Variants in PTH2R observed in about 807,000 individuals in gnomAD.
PTH2R encodes the protein parathyroid hormone 2 receptor.
PTH2R carries 59 observed loss-of-function variants against 60.3 expected under a neutral mutation model. The ratio of observed to expected loss-of-function variants is 0.98; its 90% CI spans 0.79 to 1.22. The LOEUF (loss-of-function observed/expected upper bound fraction) is 1.22, where lower values mean the gene tolerates loss of function less well. Among genes scored for constraint, PTH2R ranks in the 50% most tolerant of loss-of-function variants. PTH2R has a pLI of 0.00. For synonymous variants in PTH2R, 256 were observed against 243.8 expected (o/e 1.05, Z -0.47); for missense variants, 749 against 682.6 (o/e 1.10, Z -1.08).
intron 1 of PTH2R, among the ~76,000 whole-genome samples, chr2:208,386,404 G>A (rs1701002706): frequency 6.6e-6 from 1 of 152,186 alleles, no homozygotes; most frequent in African/African-American, 2.4e-5. Context: ...ACTGTATCTT[G>A]ACTGTATCTG....
chr2:208,463,041 G>C (rs1196335297), intron 9 of PTH2R, among the ~76,000 whole-genome samples: 1 of 152,182 alleles, frequency 6.6e-6, no homozygotes, highest in African/African-American at 2.4e-5. Flanking sequence ...CTGCTGGGTG[G>C]GGGTTTAAGC....
intron 8 of PTH2R, among the ~76,000 whole-genome samples, chr2:208,458,128 T>C (rs914456454): frequency 6.6e-6 from 1 of 152,198 alleles, no homozygotes; most frequent in Admixed American, 6.5e-5. Context: ...TGTAAGATCT[T>C]TACTAGTACA....
intron 9 of PTH2R, among the ~76,000 whole-genome samples, chr2:208,464,521 T>A (rs1348359988): frequency 6.6e-6 from 1 of 152,154 alleles, no homozygotes; most frequent in East Asian, 1.9e-4. Flanking sequence ...ATGGACACAG[T>A]ATGAAGGACC....
chr2:208,487,020 A>T (rs1703288667), intron 10 of PTH2R, among the ~76,000 whole-genome samples: 1 of 152,192 alleles, frequency 6.6e-6, no homozygotes, highest in African/African-American at 2.4e-5. Context: ...CAGGCAGAGG[A>T]CAATGAGGTG....
At chr2:208,452,407 C>G (rs1241056105) in intron 8 of PTH2R, among the ~76,000 whole-genome samples, 1 of 152,172 alleles carries the variant, frequency 6.6e-6, no homozygotes, top group Non-Finnish European at 1.5e-5. Context: ...CAAGTAATGT[C>G]TAAAGAATTA....
chr2:208,413,099 A>T (rs1435581967), intron 1 of PTH2R, among the ~76,000 whole-genome samples: 1 of 151,720 alleles, frequency 6.6e-6, no homozygotes, highest in Admixed American at 6.6e-5. Context: ...TAAAATATAA[A>T]CACAGATGTA....
At chr2:208,409,204 G>A (rs1701489890) in intron 1 of PTH2R, among the ~76,000 whole-genome samples, 1 of 152,110 alleles carries the variant, frequency 6.6e-6, no homozygotes, top group African/African-American at 2.4e-5. Context: ...AAAGTCTGGA[G>A]GTTAAATTCA....
intron 9 of PTH2R, among the ~76,000 whole-genome samples, chr2:208,465,112 A>C (rs1037389585): frequency 1.3e-5 from 2 of 152,012 alleles, no homozygotes; most frequent in Non-Finnish European, 2.9e-5. Context: ...AGTAACTAGG[A>C]CTATAGGCAT....
chr2:208,405,178 T>TA (rs1376890009), upstream of PTH2R, among the ~76,000 whole-genome samples: 1 of 152,212 alleles, frequency 6.6e-6, no homozygotes, highest in East Asian at 1.9e-4. Context: ...GAGAAATTGT[T>TA]ACATTACCTA....
chr2:208,377,037 G>A (rs561666568), intron 1 of PTH2R, among the ~76,000 whole-genome samples: 2 of 152,094 alleles, frequency 1.3e-5, no homozygotes, highest in South Asian at 4.2e-4. Context: ...CAGTATTTGT[G>A]TCCCTGGGTA....
At chr2:208,435,748 A>G (rs1230482922) in intron 2 of PTH2R, among the ~76,000 whole-genome samples, 1 of 152,212 alleles carries the variant, frequency 6.6e-6, no homozygotes, top group Non-Finnish European at 1.5e-5. Context: ...AGCCCTGCCC[A>G]GCCCTTGATT....
chr2:208,478,387 GCTTCTA>G lies in PTH2R; in HGVS notation c.982-2682_982-2677del, dbSNP rs768232481. 2.7e-3 allele frequency among the ~76,000 whole-genome samples: 410 copies of G among 152,138 alleles called. 2 individuals carry two copies. The highest frequency in any genetic ancestry group is 4.9e-3 in the Non-Finnish European group (335 of 68,010). ...CTGGGGGGAGTCCTTATCCTTTTCA[GCTTCTA>G]GAGGCCACTGGCATTGCATGACTCT... On this transcript the variant is annotated intron_variant, in intron 9 of 12. Transcript: ENST00000272847.
At chr2:208,385,717 A>G (rs570894459) in intron 1 of PTH2R, among the ~76,000 whole-genome samples, 1 of 152,362 alleles carries the variant, frequency 6.6e-6, no homozygotes, top group South Asian at 2.1e-4. Flanking sequence ...TGGATTTGAA[A>G]TTCAATCTGG....
chr2:208,388,140 C>CCCG (rs1553541033), intron 1 of PTH2R, among the ~76,000 whole-genome samples: 6 of 149,684 alleles, frequency 4.0e-5, no homozygotes, highest in Middle Eastern at 3.5e-3. Flanking sequence ...AAACCCCCCC[C>CCCG]CCCGTCTCTA....
chr2:208,451,394 G>A (rs777164937), intron 8 of PTH2R, among the ~76,000 whole-genome samples: 7 of 152,128 alleles, frequency 4.6e-5, no homozygotes, highest in Admixed American at 2.0e-4. Context: ...TGGCCCTTGG[G>A]AAAAGGACAT....
At chr2:208,452,676 A>G (rs1702429807) in intron 8 of PTH2R, among the ~76,000 whole-genome samples, 1 of 152,226 alleles carries the variant, frequency 6.6e-6, no homozygotes, top group Non-Finnish European at 1.5e-5. Context: ...TAATTACCAG[A>G]ACATTGGGTA....
chr2:208,431,711 T>C, intron 2 of PTH2R, among the ~76,000 whole-genome samples: 1 of 152,190 alleles, frequency 6.6e-6, no homozygotes, highest in Admixed American at 6.5e-5. Flanking sequence ...TATCATCTTT[T>C]GGGGATACTG....
intron 9 of PTH2R, among the ~76,000 whole-genome samples, chr2:208,473,111 C>A (rs755581177): frequency 6.6e-6 from 1 of 152,160 alleles, no homozygotes; most frequent in Non-Finnish European, 1.5e-5. Flanking sequence ...AATATTGGTC[C>A]ATTTCCAACC....
chr2:208,448,778 A>T (rs1005389209), intron 7 of PTH2R, among the ~76,000 whole-genome samples: 3 of 151,646 alleles, frequency 2.0e-5, no homozygotes, highest in Non-Finnish European at 4.4e-5. Context: ...CTGTGTTCTA[A>T]ATTATGTAAC....
Sources: allele counts gnomAD v4.1 joint callset (sites outside exome capture counted in the v4.1 genomes callset), GRCh38; gene constraint gnomAD v4.1.1; transcripts MANE v1.5; gene names NCBI Gene and HGNC (gene_info 2026-07-23, HGNC 2026-07-21).